The following PLXNC1 variants were observed in gnomAD, a reference collection of about 807,000 sequenced individuals.
PLXNC1 encodes the protein plexin C1, also known as plexin-C1.
In PLXNC1, 75 loss-of-function variants were observed where a neutral mutation model predicts 178.2. That is an observed-to-expected ratio of 0.42 (90% CI 0.35 to 0.51). PLXNC1 has a LOEUF of 0.51. PLXNC1 is among the 20% of genes least tolerant of loss of function. The pLI is 0.02. For synonymous variants in PLXNC1, 790 were observed against 779.9 expected (o/e 1.01, Z -0.22); for missense variants, 1,503 against 1,984.4 (o/e 0.76, Z 4.61).
At chr12:94,282,575 C>G (rs1339744085) in intron 23 of PLXNC1, among the ~76,000 whole-genome samples, 174 bp downstream of exon 23, 1 of 152,246 alleles carries the variant, frequency 6.6e-6, no homozygotes, top group Non-Finnish European at 1.5e-5. Flanking sequence ...ATGAAGGGCT[C>G]TCACAGTGTA....
At chr12:94,278,146 CA>C (rs11341959) in intron 21 of PLXNC1, 247,660 of 390,226 alleles carry the variant, frequency 0.63, 79,137 homozygotes, top group African/African-American at 0.7. Flanking sequence ...TCCTTAAAAC[CA>C]AAAAAAACAA....
chr12:94,292,738 T>C (rs1015804612), intron 23 of PLXNC1, among the ~76,000 whole-genome samples: 3 of 152,230 alleles, frequency 2.0e-5, no homozygotes, highest in Admixed American at 1.3e-4. Flanking sequence ...TCAAAGTTTT[T>C]ATTGGGTTTT....
intron 3 of PLXNC1, among the ~76,000 whole-genome samples, chr12:94,182,884 T>TATC (rs1382392547): frequency 2.1e-5 from 3 of 145,012 alleles, no homozygotes; most frequent in Non-Finnish European, 4.6e-5. Flanking sequence ...TCTATCTATC[T>TATC]ATCTATCTAT....
intron 4 of PLXNC1, among the ~76,000 whole-genome samples, chr12:94,205,009 T>C (rs1319639353): frequency 1.3e-5 from 2 of 152,242 alleles, no homozygotes; most frequent in Admixed American, 6.5e-5. Flanking sequence ...GATTAGAGGA[T>C]GCTGATGAAA....
At chr12:94,289,822 A>G (rs1967097816) in intron 23 of PLXNC1, among the ~76,000 whole-genome samples, 1 of 152,198 alleles carries the variant, frequency 6.6e-6, no homozygotes, top group African/African-American at 2.4e-5. Flanking sequence ...CAGCTGTGAA[A>G]GTTAGAAATG....
intron 1 of PLXNC1, among the ~76,000 whole-genome samples, chr12:94,152,204 A>G (rs184330275): frequency 1.2e-3 from 188 of 152,276 alleles, no homozygotes; most frequent in African/African-American, 4.4e-3. Context: ...TTTTCATTTA[A>G]GTAAATTCCT....
chr12:94,172,664 C>T lies in PLXNC1; in HGVS notation c.1203+3371C>T, dbSNP rs80087461. The stretch of plus-strand genomic sequence containing the variant: ...TTTCTTCAGTTAGTGAGGGAAAATG[C>T]TTACATTAAAATGTTATTGCAAACC... On this transcript the variant is annotated intron_variant, in intron 2 of 30. Coordinates refer to ENST00000258526, the MANE Select transcript of PLXNC1 (RefSeq NM_005761.3). Among the ~76,000 whole-genome samples, 606 of 152,144 alleles carry T rather than the reference C, an allele frequency of 4.0e-3. 4 individuals are homozygous for T. Among genetic ancestry groups the T allele is most frequent in the Non-Finnish European group, 6.1e-3 (418 of 68,008 alleles).
chr12:94,259,741 G>GT lies in PLXNC1; in HGVS notation c.3251+8dup. The GT allele has an allele frequency of 6.3e-7, 1 of 1,594,454 alleles. No individual in the cohort carries two copies. The highest frequency in any genetic ancestry group is 8.5e-7 in the Non-Finnish European group (1 of 1,173,576). ...ACTTTTCTGTGAAGGACAGGTATTA[G>GT]TCCATTCTTTGATGTTTTAAAAGCC... On this transcript the variant is annotated splice_region_variant and intron_variant, in intron 19 of 30. Coordinates refer to ENST00000258526, the MANE Select transcript of PLXNC1 (RefSeq NM_005761.3).
Position 94,260,258 on chromosome 12 carries a change from A to G in PLXNC1, c.3252-384A>G, listed in dbSNP as rs1964958443. Reference sequence around the variant, plus strand: ...GTTGTAGTAGAGATGGGGTCTTGCTATATTGCCCAGGCTGGTCTCAAACTC... The same window carrying G: ...GTTGTAGTAGAGATGGGGTCTTGCTGTATTGCCCAGGCTGGTCTCAAACTC... On this transcript the variant is annotated intron_variant, in intron 19 of 30. Coordinates refer to ENST00000258526, the MANE Select transcript of PLXNC1 (RefSeq NM_005761.3). The surrounding 1 kb of genome is among the most constrained non-coding windows in gnomAD (Gnocchi z 4.4). Among the ~76,000 whole-genome samples the G allele has an allele frequency of 1.3e-5, 2 of 151,976 alleles. No homozygotes were observed. Among genetic ancestry groups the G allele is most frequent in the African/African-American group, 2.4e-5 (1 of 41,390 alleles).
chr12:94,289,620 T>C (rs1967072602), intron 23 of PLXNC1, among the ~76,000 whole-genome samples: 1 of 152,222 alleles, frequency 6.6e-6, no homozygotes, highest in Non-Finnish European at 1.5e-5. Flanking sequence ...ATGGAACAAA[T>C]GGCATCTTTT....
intron 14 of PLXNC1, among the ~76,000 whole-genome samples, chr12:94,248,631 C>A (rs1372475570): frequency 6.6e-6 from 1 of 152,230 alleles, no homozygotes; most frequent in Admixed American, 6.5e-5. Flanking sequence ...GTTGGACACA[C>A]CATTGTCTAT....
intron 23 of PLXNC1, among the ~76,000 whole-genome samples, chr12:94,293,557 C>T (rs533113218): frequency 1.3e-5 from 2 of 152,276 alleles, no homozygotes; most frequent in East Asian, 1.9e-4. Flanking sequence ...TGCTGAGAGC[C>T]GTCTTCTTGT....
Position 94,149,836 on chromosome 12 carries a change from G to T in PLXNC1, c.865G>T (p.Asp289Tyr), listed in dbSNP as rs1260314441. 6.3e-7 allele frequency: 1 copy of T among 1,589,458 alleles called. No homozygotes were observed. Among genetic ancestry groups the T allele is most frequent in the Admixed American group, 1.8e-5 (1 of 56,954 alleles). Residue 289 changes from aspartate to tyrosine, a missense_variant, in exon 1 of 31, where the codon GAC becomes TAC. Around this residue, in one of 4 missense-constraint regions of PLXNC1, gnomAD observed 615 missense variants for 698.6 expected, o/e 0.88. Transcript: ENST00000258526. ...ASLDCGHGHP[D>Y]GRRLLLSSSL... ...CCTCGACTGCGGCCACGGCCACCCC[G>T]ACGGCCGCCGCCTGCTCCTCTCCTC... is the stretch of plus-strand genomic sequence containing the variant.
chr12:94,234,617 T>C (rs1163722024), intron 9 of PLXNC1, among the ~76,000 whole-genome samples: 1 of 152,188 alleles, frequency 6.6e-6, no homozygotes, highest in Non-Finnish European at 1.5e-5. Flanking sequence ...GCTGTGACGG[T>C]TATAGTCAAC....
rs570666593 is a variant in PLXNC1 at position 94,248,175 on chromosome 12, G to A, written c.2593-52G>A. 16 of 1,592,590 alleles carry A rather than the reference G, an allele frequency of 1.0e-5. No homozygotes were observed. The Middle Eastern group carries it at 5.0e-4, about 50-fold the overall frequency. ...TGACTGGAAAGGTGTGTTTATGCTC[G>A]TGAGTTTCTACATGTGCTCTGATTT... is the stretch of plus-strand genomic sequence containing the variant. On this transcript the variant is annotated intron_variant, in intron 13 of 30. Transcript: ENST00000258526.
At chr12:94,188,882 T>C (rs1454384537) in intron 4 of PLXNC1, among the ~76,000 whole-genome samples, 2 of 152,228 alleles carry the variant, frequency 1.3e-5, no homozygotes, top group Admixed American at 6.5e-5. Flanking sequence ...CAGAGGCCTG[T>C]GTGGTGTCTT....
intron 4 of PLXNC1, among the ~76,000 whole-genome samples, chr12:94,204,550 C>G (rs2135994755): frequency 6.6e-6 from 1 of 152,326 alleles, no homozygotes; most frequent in Middle Eastern, 3.4e-3. Context: ...TTATTTTGGT[C>G]TTATGTTTTG....
At chr12:94,283,766 G>C (rs1012715863) in intron 23 of PLXNC1, among the ~76,000 whole-genome samples, 1 of 152,160 alleles carries the variant, frequency 6.6e-6, no homozygotes, top group East Asian at 1.9e-4. Context: ...TTATTAATCT[G>C]GGTGGTACCA....
In PLXNC1 at chr12:94,166,595, C is replaced by A. The variant is rs1397871815; in HGVS notation, c.1063-2558C>A. On this transcript the variant is annotated intron_variant, in intron 1 of 30. Coordinates refer to ENST00000258526, the MANE Select transcript of PLXNC1 (RefSeq NM_005761.3). The stretch of plus-strand genomic sequence containing the variant: ...TATCATCATCTCTTTTTTGTAACCA[C>A]CCTGCCAATCAGACACATCAGCCTT... Among the ~76,000 whole-genome samples, 4 of 150,868 alleles carry A rather than the reference C, an allele frequency of 2.7e-5. No homozygotes were observed. In the East Asian group the frequency reaches 5.8e-4, roughly 22 times the overall value.
Sources: allele counts gnomAD v4.1 joint callset (sites outside exome capture counted in the v4.1 genomes callset), GRCh38; gene constraint gnomAD v4.1.1; regional missense constraint gnomAD v4.1.1; non-coding constraint Gnocchi (gnomAD v3.1); transcripts MANE v1.5; gene names NCBI Gene and HGNC (gene_info 2026-07-23, HGNC 2026-07-21).